CELF2: variants seen among roughly 807,000 people sequenced by gnomAD.
The protein encoded by CELF2 is CUG triplet repeat RNA-binding protein 2.
Under a neutral mutation model 62.6 loss-of-function variants are expected in CELF2, and 8 were observed. The ratio of observed to expected loss-of-function variants is 0.13; its 90% CI spans 0.07 to 0.23. The LOEUF (loss-of-function observed/expected upper bound fraction) is 0.23, where lower values mean the gene tolerates loss of function less well. Ranked by LOEUF, CELF2 falls within the 10% of genes least tolerant of loss-of-function variation. CELF2 has a pLI of 1.00. For synonymous variants in CELF2, 258 were observed against 250.0 expected, an observed-to-expected ratio of 1.03 and a Z score of -0.30; for missense variants, 333 against 671.0, an observed-to-expected ratio of 0.50 and a Z score of 5.56.
chr10:10,624,365 T>G, the CELF2 span, among the ~76,000 whole-genome samples: 1 of 152,290 alleles, frequency 6.6e-6, no homozygotes, highest in Admixed American at 6.5e-5. Context: ...TACTAACAAG[T>G]CACAGTCATG....
At chr10:10,464,117 G>T in the CELF2 span, among the ~76,000 whole-genome samples, 1 of 151,936 alleles carries the variant, frequency 6.6e-6, no homozygotes, top group African/African-American at 2.4e-5. Context: ...GAACCATGCC[G>T]CCCCTGGGTC....
rs115468476 is a variant in CELF2 at position 11,156,637 on chromosome 10, C to T, written c.75-8849C>T. On this transcript the variant is annotated intron_variant, in intron 1 of 12. Transcript: ENST00000633077. This position sits in a 1 kb window ranked among gnomAD's most constrained non-coding sequence, Gnocchi z 4.3. ...CCCAGCTCCTTGAATTTGTCAGACT[C>T]GCGTCATAAATATGATTAAGTGAAT... is the stretch of plus-strand genomic sequence containing the variant. Among the ~76,000 whole-genome samples, 41 of 152,280 alleles carry T rather than the reference C, an allele frequency of 2.7e-4. No individual in the cohort carries two copies. The highest frequency in any genetic ancestry group is 8.9e-4 in the African/African-American group (37 of 41,560).
intron 1 of CELF2, among the ~76,000 whole-genome samples, chr10:11,082,369 C>T (rs1434221417): frequency 6.6e-6 from 1 of 152,198 alleles, no homozygotes; most frequent in East Asian, 1.9e-4. Flanking sequence ...ATATCTATCT[C>T]CAAACTCTCT....
At chr10:11,197,003 A>AAGGAAGGAAG (rs35302334) in intron 2 of CELF2, among the ~76,000 whole-genome samples, 2 of 3,916 alleles carry the variant, frequency 5.1e-4, no homozygotes, top group African/African-American at 2.0e-3. Context: ...GGAAGGAAGG[A>AAGGAAGGAAG]GAAAGAAAGA....
In CELF2 at chr10:11,145,036, T is replaced by C. The variant is rs1331077482; in HGVS notation, c.75-20450T>C. Among the ~76,000 whole-genome samples, 1 of 152,012 alleles carries C rather than the reference T, an allele frequency of 6.6e-6. No homozygotes were observed. The highest frequency in any genetic ancestry group is 1.5e-5 in the Non-Finnish European group (1 of 68,010). ...GCAAGGCAGCTTAATAGAATTTGAA[T>C]ATAACTAAATCCATCCACTTAGCAT... On this transcript the variant is annotated intron_variant, in intron 1 of 12. Coordinates refer to ENST00000633077, the MANE Select transcript of CELF2 (RefSeq NM_001326342.2). This position sits in a 1 kb window ranked among gnomAD's most constrained non-coding sequence, Gnocchi z 4.3.
chr10:10,963,862 A>T (rs761283042), intron 2 of CELF2, among the ~76,000 whole-genome samples: 8 of 152,106 alleles, frequency 5.3e-5, no homozygotes, highest in African/African-American at 1.9e-4. Flanking sequence ...GCCCATTCCC[A>T]TTCTAGTATA....
At chr10:11,025,995 G>C (rs992980602) in intron 1 of CELF2, among the ~76,000 whole-genome samples, 7 of 152,110 alleles carry the variant, frequency 4.6e-5, no homozygotes, top group Admixed American at 1.3e-4. Context: ...TTGGATCTGG[G>C]GGCTTCTTCT....
chr10:10,606,094 C>G, the CELF2 span, among the ~76,000 whole-genome samples: 1 of 152,180 alleles, frequency 6.6e-6, no homozygotes, highest in Non-Finnish European at 1.5e-5. Context: ...ACCCTTCGGT[C>G]TCCATTAATC....
the CELF2 span, among the ~76,000 whole-genome samples, chr10:10,617,835 A>G: frequency 1.2e-3 from 182 of 152,244 alleles, 1 homozygote; most frequent in South Asian, 0.017. Context: ...ATTGCCAGAA[A>G]GGATGCACAT....
chr10:10,559,613 C>T, the CELF2 span, among the ~76,000 whole-genome samples: 1 of 152,186 alleles, frequency 6.6e-6, no homozygotes, highest in Admixed American at 6.5e-5. Context: ...AGAAATAATA[C>T]ACTGAAACAG....
intron 2 of CELF2, among the ~76,000 whole-genome samples, chr10:11,213,576 G>A (rs555359331): frequency 1.1e-4 from 16 of 152,252 alleles, no homozygotes; most frequent in African/African-American, 3.1e-4. Flanking sequence ...TTGAAATATT[G>A]TCTGCAGGTG....
chr10:11,258,131 G>C (rs1018453181), intron 5 of CELF2, among the ~76,000 whole-genome samples: 1 of 152,212 alleles, frequency 6.6e-6, no homozygotes, highest in Non-Finnish European at 1.5e-5. Flanking sequence ...CCTACTGCTA[G>C]GCATCCTTTT....
At chr10:10,479,945 G>A in the CELF2 span, among the ~76,000 whole-genome samples, 2 of 152,152 alleles carry the variant, frequency 1.3e-5, no homozygotes, top group Non-Finnish European at 2.9e-5. Flanking sequence ...GCATCATCAA[G>A]CCTGACCTGG....
At chr10:10,855,421 G>T (rs564643153) in intron 1 of CELF2, among the ~76,000 whole-genome samples, 2 of 152,302 alleles carry the variant, frequency 1.3e-5, no homozygotes, top group South Asian at 4.1e-4. Flanking sequence ...CATTGGCACT[G>T]GTGTGAAAAC....
At chr10:11,091,993 G>A (rs555108312) in intron 1 of CELF2, among the ~76,000 whole-genome samples, 5 of 152,270 alleles carry the variant, frequency 3.3e-5, no homozygotes, top group Non-Finnish European at 7.4e-5. Flanking sequence ...CAATATCCTA[G>A]AACGTAATAA....
the CELF2 span, among the ~76,000 whole-genome samples, chr10:10,623,806 G>A: frequency 0.035 from 5,295 of 152,128 alleles, 201 homozygotes; most frequent in African/African-American, 0.099. Flanking sequence ...AATCCTTACC[G>A]CAAATCTTCG....
intron 2 of CELF2, among the ~76,000 whole-genome samples, chr10:10,976,473 CT>C (rs780665071): frequency 3.3e-5 from 5 of 150,680 alleles, no homozygotes; most frequent in African/African-American, 1.2e-4. Flanking sequence ...CAGGCTTGGT[CT>C]TTTTTTTTAT....
rs1271714296 is a variant in CELF2, at chr10:11,332,301, C to CTGTT, written c.*3250_*3253dup. 1 of 152,152 alleles carries CTGTT rather than the reference C, an allele frequency of 6.6e-6. No individual in the cohort carries two copies. Among genetic ancestry groups the CTGTT allele is most frequent in the Non-Finnish European group, 1.5e-5 (1 of 68,028 alleles). The allele number at this position is 152,152 out of a possible 1,614,324, so 9.4% of individuals were successfully genotyped here. A position where few individuals can be genotyped will look rare whatever the true frequency, so the allele number is the denominator to read the frequency against. ...GACAGTCTCTTGAGGGGTTTTGTTT[C>CTGTT]TGTTTCCTAAATACTCCTAAATAAT... On this transcript the variant is annotated 3_prime_UTR_variant, in exon 13 of 13. Transcript: ENST00000633077.
chr10:10,778,073 C>G, the CELF2 span, among the ~76,000 whole-genome samples: 1 of 152,222 alleles, frequency 6.6e-6, no homozygotes, highest in Non-Finnish European at 1.5e-5. Flanking sequence ...AGATGGGGGC[C>G]CTGCACCCCA....
Sources: gnomAD v4.1 joint callset for allele counts (sites outside exome capture counted in the v4.1 genomes callset) on GRCh38, gnomAD v4.1.1 for gene constraint, Gnocchi (gnomAD v3.1) non-coding constraint, MANE v1.5 for transcripts, NCBI Gene and HGNC (gene_info 2026-07-23, HGNC 2026-07-21) for gene names.